IDE: variants seen among roughly 807,000 people sequenced by gnomAD.
IDE encodes insulin degrading enzyme.
IDE carries 58 observed loss-of-function variants against 133.2 expected under a neutral mutation model. The observed-to-expected ratio is 0.44, with a 90% CI of 0.35 to 0.54. The LOEUF (loss-of-function observed/expected upper bound fraction) is 0.54, where lower values mean the gene tolerates loss of function less well. IDE is among the 20% of genes least tolerant of loss of function. The pLI is 0.00. For missense variants in IDE, 981 were observed against 1,234.0 expected, an observed-to-expected ratio of 0.79 and a Z score of 3.07; for synonymous variants, 396 against 421.3, an observed-to-expected ratio of 0.94 and a Z score of 0.73.
chr10:92,561,528 G>C (rs971810828), intron 1 of IDE, among the ~76,000 whole-genome samples: 10 of 151,366 alleles, frequency 6.6e-5, no homozygotes, highest in Non-Finnish European at 1.2e-4. Flanking sequence ...GAGGCGGGCG[G>C]ATCACCTGAG....
chr10:92,568,197 C>G (rs767376203), intron 1 of IDE, among the ~76,000 whole-genome samples: 12 of 152,044 alleles, frequency 7.9e-5, no homozygotes, highest in Non-Finnish European at 1.6e-4. Context: ...ATTACTCAAA[C>G]CTGAAATTTG....
chr10:92,552,047 G>C (rs1170503738), intron 1 of IDE, among the ~76,000 whole-genome samples: 1 of 151,944 alleles, frequency 6.6e-6, no homozygotes, highest in Non-Finnish European at 1.5e-5. Context: ...CAACCATGAT[G>C]GGGGGGTGGG....
At chr10:92,503,813 G>A (rs910503784) in intron 11 of IDE, among the ~76,000 whole-genome samples, 2 of 151,670 alleles carry the variant, frequency 1.3e-5, no homozygotes, top group Non-Finnish European at 2.9e-5. Flanking sequence ...CCACCTCCTG[G>A]GTTCAAGCGA....
intron 1 of IDE, among the ~76,000 whole-genome samples, chr10:92,555,815 C>G (rs549914081): frequency 3.3e-4 from 50 of 152,306 alleles, no homozygotes; most frequent in African/African-American, 1.2e-3. Flanking sequence ...CTATTCAACA[C>G]TGTCCTGGAA....
intron 1 of IDE, among the ~76,000 whole-genome samples, chr10:92,558,058 A>C (rs1843098687): frequency 6.6e-6 from 1 of 151,992 alleles, no homozygotes; most frequent in Non-Finnish European, 1.5e-5. Context: ...TAAACAATAC[A>C]ACCTTTTTTT....
chr10:92,564,972 G>T (rs1268690036), intron 1 of IDE, among the ~76,000 whole-genome samples: 1 of 151,890 alleles, frequency 6.6e-6, no homozygotes, highest in African/African-American at 2.4e-5. Context: ...GTAGCCAGGT[G>T]TGCTGGCTCA....
At chr10:92,531,014 A>G (rs1849893481) in intron 4 of IDE, among the ~76,000 whole-genome samples, 2 of 152,192 alleles carry the variant, frequency 1.3e-5, no homozygotes, top group Admixed American at 1.3e-4. Context: ...CTTTTATAAT[A>G]CCCAAAACAG....
chr10:92,566,542 G>T (rs961167879), intron 1 of IDE, among the ~76,000 whole-genome samples: 1 of 152,006 alleles, frequency 6.6e-6, no homozygotes, highest in East Asian at 1.9e-4. Flanking sequence ...TTACTTATTT[G>T]TGGGATCTAA....
intron 9 of IDE, among the ~76,000 whole-genome samples, chr10:92,507,234 A>C (rs1294397852): frequency 6.6e-6 from 1 of 152,210 alleles, no homozygotes; most frequent in Non-Finnish European, 1.5e-5. Context: ...TGAAAACGAC[A>C]GAGCTCATGC....
At chr10:92,516,636 A>T (rs1438778439) in intron 4 of IDE, among the ~76,000 whole-genome samples, 2 of 152,254 alleles carry the variant, frequency 1.3e-5, no homozygotes, top group African/African-American at 4.8e-5. Flanking sequence ...TATGTACTCC[A>T]TAATTAATTG....
At chr10:92,564,374 A>G (rs1378752841) in intron 1 of IDE, among the ~76,000 whole-genome samples, 1 of 152,150 alleles carries the variant, frequency 6.6e-6, no homozygotes, top group Non-Finnish European at 1.5e-5. Flanking sequence ...ATTTGATCAT[A>G]TAAGAAACTG....
chr10:92,474,797 G>A (rs1846158081), intron 17 of IDE, 44 bp downstream of exon 17: 1 of 1,565,722 alleles, frequency 6.4e-7, no homozygotes, highest in African/African-American at 1.4e-5. Context: ...ATGAATTTAG[G>A]AAAAAAATGA....
chr10:92,556,987 T>C (rs1247274618), intron 1 of IDE, among the ~76,000 whole-genome samples: 2 of 151,040 alleles, frequency 1.3e-5, no homozygotes, highest in Non-Finnish European at 2.9e-5. Context: ...AAACTTTAAA[T>C]GGAAAGACTC....
At chr10:92,496,033 C>T (rs1462568276) in intron 11 of IDE, among the ~76,000 whole-genome samples, 3 of 151,806 alleles carry the variant, frequency 2.0e-5, no homozygotes, top group Non-Finnish European at 1.5e-5. Context: ...TGCCACCATG[C>T]CCGGCTAATT....
At chr10:92,552,412 C>G (rs542193598) in intron 1 of IDE, among the ~76,000 whole-genome samples, 1 of 152,138 alleles carries the variant, frequency 6.6e-6, no homozygotes, top group Non-Finnish European at 1.5e-5. Context: ...GGTATCAATA[C>G]AAACTTATAT....
rs759243373 is a variant in IDE, at chr10:92,464,050, G to T, written c.2489-47C>A. 8 of 1,564,444 alleles carry T rather than the reference G, an allele frequency of 5.1e-6. No homozygotes were observed. In the Admixed American group the frequency reaches 1.5e-4, roughly 30 times the overall value. On this transcript the variant is annotated intron_variant, in intron 20 of 24. Coordinates refer to ENST00000265986, the MANE Select transcript of IDE (RefSeq NM_004969.4). ...GTCATGACCGTGGCATTTGAGACCT[G>T]GGTCATTTTTAATCCTTCAAAAACT...
Position 92,526,165 on chromosome 10 carries a change from A to C in IDE, c.661+5583T>G, listed in dbSNP as rs563129110. 3.3e-5 allele frequency among the ~76,000 whole-genome samples: 5 copies of C among 152,058 alleles called. No homozygotes were observed. The East Asian group carries it at 9.6e-4, about 29-fold the overall frequency. ...GGGACTCCGTCTCAAAAAAAAAAAA[A>C]AAGTAAAGTAAAAGATCTCTACAAT... On this transcript the variant is annotated intron_variant, in intron 4 of 24. Coordinates refer to ENST00000265986, the MANE Select transcript of IDE (RefSeq NM_004969.4).
chr10:92,537,465 GC>G lies in IDE; in HGVS notation c.183del (p.Lys61AsnfsTer7), dbSNP rs764771182. On this transcript the variant is annotated frameshift_variant, in exon 2 of 25. Coordinates refer to ENST00000265986, the MANE Select transcript of IDE (RefSeq NM_004969.4). LOFTEE classifies it high-confidence loss of function. ...GNHITKSPED[K>X]REYRGLELAN... is the part of the protein sequence containing the mutation. ...GCCAGCTCTAGCCCTCGATATTCTC[GC>G]TTGTCTTCAGGAGACTTGGTAATGT... is the stretch of plus-strand genomic sequence containing the variant. 6.2e-7 allele frequency: 1 copy of G among 1,613,576 alleles called. No homozygotes were observed. Among genetic ancestry groups the G allele is most frequent in the Non-Finnish European group, 8.5e-7 (1 of 1,179,576 alleles).
chr10:92,496,817 C>T (rs962249246), intron 11 of IDE, among the ~76,000 whole-genome samples: 5 of 152,122 alleles, frequency 3.3e-5, no homozygotes, highest in African/African-American at 1.2e-4. Context: ...GGAGAAATCA[C>T]ATCTCCAAAC....
Sources: allele counts gnomAD v4.1 joint callset (sites outside exome capture counted in the v4.1 genomes callset), GRCh38; gene constraint gnomAD v4.1.1; transcripts MANE v1.5; gene names NCBI Gene and HGNC (gene_info 2026-07-23, HGNC 2026-07-21).